Variants in NOL10 observed in about 807,000 individuals in gnomAD.
NOL10 encodes the protein H_NH0074G24.1.
Under a neutral mutation model 103.5 loss-of-function variants are expected in NOL10, and 58 were observed. The observed-to-expected ratio is 0.56, with a 90% CI of 0.45 to 0.70. The LOEUF is 0.70. NOL10 is among the 30% of genes least tolerant of loss of function. The pLI is 0.00. For missense variants in NOL10, 763 were observed against 807.3 expected, an observed-to-expected ratio of 0.95 and a Z score of 0.67; for synonymous variants, 287 against 282.5, an observed-to-expected ratio of 1.02 and a Z score of -0.16.
chr2:10,593,388 C>T (rs1230547898), intron 17 of NOL10, among the ~76,000 whole-genome samples: 1 of 152,094 alleles, frequency 6.6e-6, no homozygotes, highest in Non-Finnish European at 1.5e-5. Flanking sequence ...TCGCCTGCCT[C>T]GGCCTTCCAA....
At chr2:10,627,618 T>A (rs550317310) in intron 13 of NOL10, among the ~76,000 whole-genome samples, 53 of 151,636 alleles carry the variant, frequency 3.5e-4, no homozygotes, top group Middle Eastern at 3.4e-3. Context: ...GAGGTTGCAG[T>A]GAGCTGAGAC....
chr2:10,579,373 A>G (rs1459162159), intron 19 of NOL10, among the ~76,000 whole-genome samples: 1 of 152,184 alleles, frequency 6.6e-6, no homozygotes, highest in Non-Finnish European at 1.5e-5. Flanking sequence ...TAAGATGTGA[A>G]ATGACTTGCT....
Position 10,680,367 on chromosome 2 carries a change from AAGAGGGAGAGGGAGAAGAGGG to A in NOL10, c.211+1583_211+1603del, listed in dbSNP as rs1183262622. Among the ~76,000 whole-genome samples, 4 of 127,766 alleles carry A rather than the reference AAGAGGGAGAGGGAGAAGAGGG, an allele frequency of 3.1e-5. No homozygotes were observed. The East Asian group carries it at 7.4e-4, about 24-fold the overall frequency. The allele number at this position is 127,766 out of a possible 152,430, so 83.8% of individuals were successfully genotyped here. On this transcript the variant is annotated intron_variant, in intron 3 of 20. Coordinates refer to ENST00000381685, the MANE Select transcript of NOL10 (RefSeq NM_024894.4). ...GGAGAGGGAGAAGAGGGAGAGGGAG[AAGAGGGAGAGGGAGAAGAGGG>A]AGAGGGAGAGGGAGGAGAAGGAGAA...
chr2:10,613,962 G>T (rs1465832881), intron 13 of NOL10, among the ~76,000 whole-genome samples: 1 of 111,152 alleles, frequency 9.0e-6, no homozygotes, highest in African/African-American at 3.7e-5. Flanking sequence ...TCCCCCATTA[G>T]AATTTTTTTT....
intron 20 of NOL10, 49 bp downstream of exon 20, chr2:10,577,587 G>T: frequency 7.6e-7 from 1 of 1,314,800 alleles, no homozygotes; most frequent in Non-Finnish European, 1.1e-6. Flanking sequence ...ACTATTGAAA[G>T]GCTATTTTTC....
intron 12 of NOL10, among the ~76,000 whole-genome samples, chr2:10,651,355 C>T (rs1034947139): frequency 6.6e-6 from 1 of 152,160 alleles, no homozygotes; most frequent in African/African-American, 2.4e-5. Context: ...TAGACCAGCA[C>T]TGTCCAATGG....
chr2:10,612,315 TTAA>T (rs2148202891), intron 13 of NOL10, among the ~76,000 whole-genome samples: 1 of 152,240 alleles, frequency 6.6e-6, no homozygotes, highest in Non-Finnish European at 1.5e-5. Context: ...CAAAGTACTA[TTAA>T]TATTATAGAC....
chr2:10,574,068 A>T (rs954224840), intron 20 of NOL10, among the ~76,000 whole-genome samples: 3 of 152,220 alleles, frequency 2.0e-5, no homozygotes, highest in Non-Finnish European at 4.4e-5. Context: ...TCTCCTTTGA[A>T]GCACTTGCCG....
intron 13 of NOL10, among the ~76,000 whole-genome samples, chr2:10,633,656 CAG>C (rs1677990271): frequency 6.6e-6 from 1 of 151,874 alleles, no homozygotes; most frequent in Non-Finnish European, 1.5e-5. Flanking sequence ...GAGAAGAAAA[CAG>C]AATCTGATTC....
rs558579380 is a variant in NOL10, at chr2:10,641,722, T to C, written c.1026+2598A>G. 1.4e-3 allele frequency among the ~76,000 whole-genome samples: 216 copies of C among 152,318 alleles called. 1 individual carries two copies. Among genetic ancestry groups the C allele is most frequent in the African/African-American group, 5.0e-3 (209 of 41,582 alleles). On this transcript the variant is annotated intron_variant, in intron 13 of 20. Transcript: ENST00000381685. ...TCCTATTCCTTACTTCCCACACTCATCAATTTCAAGTCTCTTACAACCATA... is the reference window on the plus strand; with the variant it reads ...TCCTATTCCTTACTTCCCACACTCACCAATTTCAAGTCTCTTACAACCATA...
At chr2:10,581,538 A>G (rs1360082648) in intron 19 of NOL10, among the ~76,000 whole-genome samples, 1 of 152,236 alleles carries the variant, frequency 6.6e-6, no homozygotes, top group Non-Finnish European at 1.5e-5. Flanking sequence ...TTAAAACAGT[A>G]TAATTAGGCT....
At position 10,643,815 on chromosome 2, in the gene NOL10, T is replaced by A. The variant is rs1222649514; in HGVS notation, c.1026+505A>T. Reference sequence around the variant, plus strand: ...CTAATTTATAATGTCTGTTTTAACATGATATTAAACAGTTCCCATAAAAGA... The same window carrying A: ...CTAATTTATAATGTCTGTTTTAACAAGATATTAAACAGTTCCCATAAAAGA... On this transcript the variant is annotated intron_variant, in intron 13 of 20. Coordinates refer to ENST00000381685, the MANE Select transcript of NOL10 (RefSeq NM_024894.4). Among the ~76,000 whole-genome samples the A allele has an allele frequency of 2.6e-5, 4 of 152,296 alleles. No individual in the cohort carries two copies. The East Asian group carries it at 7.7e-4, about 29-fold the overall frequency.
chr2:10,639,282 C>T (rs1273185971), intron 13 of NOL10, among the ~76,000 whole-genome samples: 1 of 152,010 alleles, frequency 6.6e-6, no homozygotes, highest in African/African-American at 2.4e-5. Context: ...ATTAGCTGGG[C>T]GTGGCAGCGT....
At chr2:10,634,007 T>C (rs1678020205) in intron 13 of NOL10, among the ~76,000 whole-genome samples, 2 of 152,058 alleles carry the variant, frequency 1.3e-5, no homozygotes, top group Admixed American at 6.6e-5. Flanking sequence ...TTAAAACTTT[T>C]TGTGGAAATG....
chr2:10,579,918 C>T (rs1042995761), intron 19 of NOL10, among the ~76,000 whole-genome samples: 1 of 152,120 alleles, frequency 6.6e-6, no homozygotes, highest in African/African-American at 2.4e-5. Flanking sequence ...TAAGAATGAC[C>T]TTACTTCCTC....
intron 14 of NOL10, 133 bp downstream of exon 14, chr2:10,607,052 A>T: frequency 1.9e-6 from 1 of 532,688 alleles, no homozygotes; most frequent in Non-Finnish European, 3.1e-6. Flanking sequence ...AATATGTTTA[A>T]TATCTGATTT....
At chr2:10,618,245 T>TTA (rs1553302188) in intron 13 of NOL10, among the ~76,000 whole-genome samples, 1 of 150,774 alleles carries the variant, frequency 6.6e-6, no homozygotes, top group African/African-American at 2.4e-5. Context: ...GCTGTTTTTT[T>TTA]AAAAAAAAAT....
At chr2:10,631,652 A>C (rs896543871) in intron 13 of NOL10, among the ~76,000 whole-genome samples, 4 of 152,156 alleles carry the variant, frequency 2.6e-5, no homozygotes, top group Admixed American at 6.5e-5. Context: ...GTCAGAGCCA[A>C]AGAACTGATG....
intron 13 of NOL10, among the ~76,000 whole-genome samples, chr2:10,616,833 G>A (rs1676859189): frequency 1.3e-5 from 2 of 152,216 alleles, no homozygotes; most frequent in South Asian, 4.1e-4. Flanking sequence ...ACAGGAGTGA[G>A]ACACCACGTC....
Sources: gnomAD v4.1 joint callset for allele counts (sites outside exome capture counted in the v4.1 genomes callset) on GRCh38, gnomAD v4.1.1 for gene constraint, MANE v1.5 for transcripts, NCBI Gene and HGNC (gene_info 2026-07-23, HGNC 2026-07-21) for gene names.